The following CSMD3 variants were observed in gnomAD, a reference collection of about 807,000 sequenced individuals.
CSMD3 encodes CUB and Sushi multiple domains 3.
In CSMD3, 177 loss-of-function variants were observed where a neutral mutation model predicts 435.2. The observed-to-expected ratio is 0.41, with a 90% CI of 0.36 to 0.46. The LOEUF (loss-of-function observed/expected upper bound fraction) is 0.46, where lower values mean the gene tolerates loss of function less well. CSMD3 is among the 20% of genes least tolerant of loss of function. The probability of loss-of-function intolerance (pLI) is 0.34; values close to 1 mark genes in which losing one functional copy is unlikely to be tolerated. For missense variants in CSMD3, 4,265 were observed against 4,504.6 expected (o/e 0.95, Z 1.52); for synonymous variants, 1,656 against 1,520.5 (o/e 1.09, Z -2.07).
At chr8:112,733,451 C>G (rs1587115788) in intron 13 of CSMD3, among the ~76,000 whole-genome samples, 1 of 151,172 alleles carries the variant, frequency 6.6e-6, no homozygotes, top group Admixed American at 6.6e-5. Flanking sequence ...GTCAATAAAA[C>G]TGCTAATTAG....
chr8:112,506,856 C>A lies in CSMD3; in HGVS notation c.4757-27G>T, dbSNP rs1586550448. 3 of 1,583,050 alleles carry A rather than the reference C, an allele frequency of 1.9e-6. No homozygotes were observed. In the East Asian group the frequency reaches 6.9e-5, roughly 36 times the overall value. On this transcript the variant is annotated intron_variant, in intron 28 of 70. Coordinates refer to ENST00000297405, the MANE Select transcript of CSMD3 (RefSeq NM_198123.2). ...TTTAATTTAAACAAACAAATAAAATCTCTTTAAACATTAATACAATTTATT... is the reference window on the plus strand; with the variant it reads ...TTTAATTTAAACAAACAAATAAAATATCTTTAAACATTAATACAATTTATT...
chr8:112,445,860 C>T (rs1815542471), intron 32 of CSMD3, among the ~76,000 whole-genome samples: 1 of 152,054 alleles, frequency 6.6e-6, no homozygotes, highest in African/African-American at 2.4e-5. Flanking sequence ...TATTTTAATT[C>T]CTTCTGTATA....
intron 10 of CSMD3, among the ~76,000 whole-genome samples, chr8:112,876,309 C>T (rs2081280141): frequency 6.6e-6 from 1 of 152,094 alleles, no homozygotes; most frequent in South Asian, 2.1e-4. Flanking sequence ...AAAAGAGAGA[C>T]TCCTCCCTAA....
At chr8:112,726,632 G>A (rs2076970912) in intron 13 of CSMD3, among the ~76,000 whole-genome samples, 1 of 151,800 alleles carries the variant, frequency 6.6e-6, no homozygotes, top group Non-Finnish European at 1.5e-5. Context: ...GATTTAGGCT[G>A]TCTTTTGGAA....
intron 22 of CSMD3, among the ~76,000 whole-genome samples, chr8:112,589,885 A>T (rs1447362046): frequency 9.2e-5 from 14 of 152,164 alleles, no homozygotes; most frequent in African/African-American, 3.4e-4. Flanking sequence ...TGGAGAGTAT[A>T]CCGCTATCAC....
chr8:112,476,124 C>A (rs1351751639), intron 31 of CSMD3, among the ~76,000 whole-genome samples: 1 of 152,096 alleles, frequency 6.6e-6, no homozygotes, highest in South Asian at 2.1e-4. Context: ...TGGCTTGCTG[C>A]AACCTCCACC....
chr8:113,096,161 A>C (rs2131534467), intron 5 of CSMD3, among the ~76,000 whole-genome samples: 1 of 152,238 alleles, frequency 6.6e-6, no homozygotes, highest in East Asian at 1.9e-4. Context: ...TGTATATCCA[A>C]CTGTCCCCTT....
chr8:112,475,656 T>G (rs1167206227), intron 31 of CSMD3, among the ~76,000 whole-genome samples: 2 of 152,106 alleles, frequency 1.3e-5, no homozygotes, highest in Admixed American at 6.5e-5. Context: ...TGGCAAAAAC[T>G]GCAATTACTT....
chr8:113,400,180 C>CA (rs1367412629), intron 1 of CSMD3, among the ~76,000 whole-genome samples: 1 of 151,888 alleles, frequency 6.6e-6, no homozygotes, highest in Admixed American at 6.6e-5. Context: ...AGTTCATTCA[C>CA]AAAAAATGAA....
At chr8:112,515,947 G>A (rs1823629240) in intron 28 of CSMD3, among the ~76,000 whole-genome samples, 1 of 151,916 alleles carries the variant, frequency 6.6e-6, no homozygotes, top group Admixed American at 6.6e-5. Flanking sequence ...TTAGAACAGT[G>A]CCTGAGACAC....
intron 3 of CSMD3, among the ~76,000 whole-genome samples, chr8:113,255,310 A>T (rs1353327205): frequency 6.6e-6 from 1 of 152,080 alleles, no homozygotes; most frequent in African/African-American, 2.4e-5. Context: ...TGGATCTCCG[A>T]TTCTTTCCTT....
chr8:112,990,274 C>T (rs80192212), intron 6 of CSMD3, among the ~76,000 whole-genome samples: 2 of 151,946 alleles, frequency 1.3e-5, no homozygotes, highest in Admixed American at 6.6e-5. Context: ...TGTGTTACGC[C>T]ATATTGGACC....
chr8:113,373,225 A>G (rs10111510), intron 1 of CSMD3, among the ~76,000 whole-genome samples: 114,124 of 151,848 alleles, frequency 0.75, 44,582 homozygotes, highest in Middle Eastern at 0.87. Context: ...TTCATATGTA[A>G]CACCTGCTTC....
chr8:113,213,962 A>G (rs986367181), intron 3 of CSMD3, among the ~76,000 whole-genome samples: 1 of 152,142 alleles, frequency 6.6e-6, no homozygotes, highest in Non-Finnish European at 1.5e-5. Context: ...TGCTGGAGGT[A>G]CAGTGACAAT....
intron 14 of CSMD3, among the ~76,000 whole-genome samples, chr8:112,687,396 A>T (rs1280319645): frequency 1.3e-5 from 2 of 152,130 alleles, no homozygotes; most frequent in African/African-American, 4.8e-5. Context: ...AGTTTATAAT[A>T]TGCATAAAAC....
At chr8:112,432,807 G>T (rs1051506495) in intron 32 of CSMD3, among the ~76,000 whole-genome samples, 4 of 151,950 alleles carry the variant, frequency 2.6e-5, no homozygotes, top group African/African-American at 4.8e-5. Context: ...CATAGGTGGT[G>T]GCTCATGCCT....
At chr8:112,403,413 G>A (rs1418282646) in intron 35 of CSMD3, among the ~76,000 whole-genome samples, 1 of 152,102 alleles carries the variant, frequency 6.6e-6, no homozygotes, top group African/African-American at 2.4e-5. Flanking sequence ...TACTTAGCAT[G>A]GAATCGGGCT....
intron 3 of CSMD3, among the ~76,000 whole-genome samples, chr8:113,224,370 A>C (rs2093003005): frequency 6.6e-6 from 1 of 151,266 alleles, no homozygotes; most frequent in Non-Finnish European, 1.5e-5. Flanking sequence ...CATTCTCTGA[A>C]AACAACAAAC....
At chr8:113,219,903 T>G (rs1397050438) in intron 3 of CSMD3, among the ~76,000 whole-genome samples, 1 of 151,528 alleles carries the variant, frequency 6.6e-6, no homozygotes, top group African/African-American at 2.4e-5. Context: ...GTTCATATTC[T>G]GATTTATGAA....
Sources: gnomAD v4.1 joint callset for allele counts (sites outside exome capture counted in the v4.1 genomes callset) on GRCh38, gnomAD v4.1.1 for gene constraint, MANE v1.5 for transcripts, NCBI Gene and HGNC (gene_info 2026-07-23, HGNC 2026-07-21) for gene names.